The following TENM2 variants were observed in gnomAD, a reference collection of about 807,000 sequenced individuals.
The protein encoded by TENM2 is teneurin transmembrane protein 2, also known as teneurin-2.
Under a neutral mutation model 245.2 loss-of-function variants are expected in TENM2, and 52 were observed. The ratio of observed to expected loss-of-function variants is 0.21; its 90% CI spans 0.17 to 0.27. The LOEUF (loss-of-function observed/expected upper bound fraction) is 0.27, where lower values mean the gene tolerates loss of function less well. Among genes scored for constraint, TENM2 ranks in the 10% least tolerant of loss-of-function variants. The pLI is 1.00. For synonymous variants in TENM2, 1,363 were observed against 1,438.9 expected (o/e 0.95, Z 1.19); for missense variants, 3,046 against 3,666.8 (o/e 0.83, Z 4.37).
At chr5:167,256,070 T>C in the TENM2 span, among the ~76,000 whole-genome samples, 1 of 152,190 alleles carries the variant, frequency 6.6e-6, no homozygotes, top group African/African-American at 2.4e-5. Flanking sequence ...TTATGCATTC[T>C]TTTGGCTTTG....
chr5:168,047,596 C>T, intron 6 of TENM2, 47 bp downstream of exon 8: 1 of 1,540,690 alleles, frequency 6.5e-7, no homozygotes, highest in Non-Finnish European at 8.8e-7. Flanking sequence ...CAGGAAAATT[C>T]TGAGCTCTCG....
At chr5:167,819,202 T>C (rs890130971) in intron 2 of TENM2, among the ~76,000 whole-genome samples, 5 of 152,192 alleles carry the variant, frequency 3.3e-5, no homozygotes, top group African/African-American at 1.2e-4. Flanking sequence ...AGAGTGGGAC[T>C]TCCCCTGTCC....
At chr5:168,195,690 C>A (rs905171366) in intron 15 of TENM2, among the ~76,000 whole-genome samples, 1 of 151,120 alleles carries the variant, frequency 6.6e-6, no homozygotes. Flanking sequence ...AAAGGCAGTG[C>A]AGGGTGACAG....
intron 4 of TENM2, among the ~76,000 whole-genome samples, chr5:167,976,862 G>A (rs539419616): frequency 5.5e-4 from 83 of 152,188 alleles, no homozygotes; most frequent in African/African-American, 1.6e-3. Context: ...GTAAAGATGC[G>A]TGCATGTGTA....
At chr5:167,561,577 C>T (rs1484388478) in intron 2 of TENM2, among the ~76,000 whole-genome samples, 1 of 152,144 alleles carries the variant, frequency 6.6e-6, no homozygotes, top group Non-Finnish European at 1.5e-5. Context: ...GATGAAACGT[C>T]TATGTTGTTT....
chr5:167,462,175 A>ACCCCCCCCCCCCCCCCCCCCC (rs1475191708), intron 2 of TENM2, among the ~76,000 whole-genome samples: 2 of 52,948 alleles, frequency 3.8e-5, no homozygotes, highest in Admixed American at 2.7e-4. Flanking sequence ...GAGTTCCCTG[A>ACCCCCCCCCCCCCCCCCCCCC]CCCCCACCCC....
chr5:167,363,730 C>CAAAAAA (rs10659741), intron 1 of TENM2, among the ~76,000 whole-genome samples: 27 of 89,288 alleles, frequency 3.0e-4, no homozygotes, highest in South Asian at 9.4e-4. Context: ...GACTCCATCT[C>CAAAAAA]AAAAAAAAAA....
At chr5:167,172,498 A>G in the TENM2 span, among the ~76,000 whole-genome samples, 1 of 152,156 alleles carries the variant, frequency 6.6e-6, no homozygotes, top group Non-Finnish European at 1.5e-5. Flanking sequence ...TCTGACTCCA[A>G]AGCCCTAGCT....
At chr5:167,906,950 AGGCCG>A (rs1776126944) in intron 3 of TENM2, among the ~76,000 whole-genome samples, 1 of 152,194 alleles carries the variant, frequency 6.6e-6, no homozygotes, top group Non-Finnish European at 1.5e-5. Context: ...TAAAGGACGC[AGGCCG>A]GGCGCAGTGG....
intron 2 of TENM2, among the ~76,000 whole-genome samples, chr5:167,682,116 C>CCGGCCTGCCTG (rs773062042): frequency 7.7e-5 from 8 of 103,578 alleles, no homozygotes; most frequent in African/African-American, 3.0e-4. Flanking sequence ...CTCCCTCCCT[C>CCGGCCTGCCTG]CCTCCCTCCC....
intron 4 of TENM2, among the ~76,000 whole-genome samples, chr5:167,985,732 T>G (rs1313437856): frequency 6.6e-6 from 1 of 152,148 alleles, no homozygotes; most frequent in Non-Finnish European, 1.5e-5. Context: ...CAACAGAAAA[T>G]AAGGGGATCC....
the TENM2 span, among the ~76,000 whole-genome samples, chr5:167,003,308 C>A: frequency 3.3e-3 from 504 of 152,232 alleles, 14 homozygotes; most frequent in South Asian, 0.058. Flanking sequence ...AGATACCTAT[C>A]ATCTCATTAA....
At chr5:167,543,430 G>A (rs1044020963) in intron 2 of TENM2, among the ~76,000 whole-genome samples, 10 of 152,132 alleles carry the variant, frequency 6.6e-5, no homozygotes, top group African/African-American at 2.4e-4. Context: ...CCTGGATATA[G>A]GGATGGGAAT....
chr5:167,915,039 A>G (rs1026752125), intron 3 of TENM2, among the ~76,000 whole-genome samples: 2 of 152,198 alleles, frequency 1.3e-5, no homozygotes, highest in African/African-American at 4.8e-5. Flanking sequence ...AATTTAACTC[A>G]TAATATCATG....
At chr5:168,204,294 C>T (rs1762176067) in intron 18 of TENM2, 78 bp from the exon 21 acceptor site, 2 of 1,469,374 alleles carry the variant, frequency 1.4e-6, no homozygotes, top group Non-Finnish European at 1.8e-6. Flanking sequence ...TTGTCTCTTC[C>T]CCTCCCTCCC....
intron 2 of TENM2, among the ~76,000 whole-genome samples, chr5:167,517,573 C>G (rs959511267): frequency 2.2e-4 from 33 of 150,750 alleles, no homozygotes; most frequent in Admixed American, 2.2e-3. Flanking sequence ...AATCCAACAG[C>G]GTTATCTCAT....
Position 168,156,178 on chromosome 5 carries a change from G to A in TENM2, c.2423-6433G>A, listed in dbSNP as rs1035246623. Among the ~76,000 whole-genome samples the A allele has an allele frequency of 5.2e-5, 7 of 135,810 alleles. No individual in the cohort carries two copies. In the South Asian group the frequency reaches 1.7e-3, roughly 33 times the overall value. The allele number at this position is 135,810 out of a possible 152,430, so 89.1% of individuals were successfully genotyped here. A position where few individuals can be genotyped will look rare whatever the true frequency, so the allele number is the denominator to read the frequency against. The stretch of plus-strand genomic sequence containing the variant: ...CTACCAGCCCAAGCTCACACAGACA[G>A]TAAGAGAGACATCCAGATTCCATTC... On this transcript the variant is annotated intron_variant, in intron 12 of 28. Coordinates refer to ENST00000518659, the Ensembl canonical transcript of TENM2.
intron 3 of TENM2, among the ~76,000 whole-genome samples, chr5:167,909,795 A>T (rs1290021840): frequency 3.3e-5 from 5 of 152,230 alleles, no homozygotes; most frequent in Admixed American, 3.3e-4. Context: ...AGAAACATAA[A>T]TATAGAACAG....
chr5:167,407,759 G>C (rs986589560), intron 2 of TENM2, among the ~76,000 whole-genome samples: 1 of 152,258 alleles, frequency 6.6e-6, no homozygotes, highest in African/African-American at 2.4e-5. Flanking sequence ...GGAGGTTGCA[G>C]TGAGCAGAGA....
Sources: gnomAD v4.1 joint callset for allele counts (sites outside exome capture counted in the v4.1 genomes callset) on GRCh38, gnomAD v4.1.1 for gene constraint, MANE v1.5 for transcripts, NCBI Gene and HGNC (gene_info 2026-07-23, HGNC 2026-07-21) for gene names.